LRRC9: variants seen among roughly 807,000 people sequenced by gnomAD.
LRRC9 encodes the protein leucine-rich repeat-containing protein 9.
Under a neutral mutation model 63.2 loss-of-function variants are expected in LRRC9, and 122 were observed. The observed-to-expected ratio is 1.93, with a 90% CI of 1.67 to 2.24. The LOEUF (loss-of-function observed/expected upper bound fraction) is 2.24, where lower values mean the gene tolerates loss of function less well. LRRC9 is among the 30% of genes most tolerant of loss of function. The probability of loss-of-function intolerance (pLI) is 0.00; values close to 1 mark genes in which losing one functional copy is unlikely to be tolerated. For synonymous variants in LRRC9, 366 were observed against 213.1 expected (o/e 1.72, Z -6.25); for missense variants, 1,071 against 627.7 (o/e 1.71, Z -7.55).
rs545872817 is a variant in LRRC9 at position 60,053,699 on chromosome 14, T to C, written c.4131+494T>C. ...CTATCTGTGTGTTTTGTTAGGATAA[T>C]TGGGCTTTTTACTCAGGAGCCCTAA... On this transcript the variant is annotated intron_variant, in intron 30 of 31. Coordinates refer to ENST00000445360, the Ensembl canonical transcript of LRRC9. The surrounding 1 kb of genome is among the most constrained non-coding windows in gnomAD (Gnocchi z 4.8). 2.6e-5 allele frequency among the ~76,000 whole-genome samples: 4 copies of C among 152,214 alleles called. No homozygotes were observed. In the East Asian group the frequency reaches 7.8e-4, roughly 30 times the overall value.
chr14:59,992,091 C>G (rs1485620793), intron 17 of LRRC9, among the ~76,000 whole-genome samples: 1 of 152,110 alleles, frequency 6.6e-6, no homozygotes, highest in Non-Finnish European at 1.5e-5. Flanking sequence ...CCTCACATGG[C>G]CGGGTACTCC....
At chr14:60,020,077 G>T (rs1019500708) in intron 26 of LRRC9, among the ~76,000 whole-genome samples, 3 of 151,684 alleles carry the variant, frequency 2.0e-5, no homozygotes, top group African/African-American at 7.3e-5. Flanking sequence ...AAAATACAAA[G>T]TATTCCCATT....
At chr14:59,928,730 TA>T (rs1555367618) in intron 3 of LRRC9, among the ~76,000 whole-genome samples, 1 of 151,940 alleles carries the variant, frequency 6.6e-6, no homozygotes, top group Non-Finnish European at 1.5e-5. Flanking sequence ...AACAGACACA[TA>T]GACCAATGGA....
At chr14:60,061,884 T>C in intron 31 of LRRC9, 127 bp from the exon 32 acceptor site, 1 of 394,332 alleles carries the variant, frequency 2.5e-6, no homozygotes, top group Non-Finnish European at 4.5e-6. Flanking sequence ...AAATTCACTT[T>C]ATGAAACATG....
At chr14:60,043,856 T>A (rs772893139) in intron 29 of LRRC9, among the ~76,000 whole-genome samples, 3 of 151,470 alleles carry the variant, frequency 2.0e-5, no homozygotes, top group South Asian at 2.1e-4. Context: ...CCTCTTCAAT[T>A]TTTTTAAAGG....
intron 17 of LRRC9, among the ~76,000 whole-genome samples, chr14:59,994,327 G>T (rs1404162334): frequency 6.6e-6 from 1 of 152,194 alleles, no homozygotes; most frequent in African/African-American, 2.4e-5. Flanking sequence ...TCTCACACCA[G>T]TTAGAATGGC....
At chr14:59,940,698 C>A (rs992148635) in intron 7 of LRRC9, among the ~76,000 whole-genome samples, 5 of 151,966 alleles carry the variant, frequency 3.3e-5, no homozygotes, top group Admixed American at 1.3e-4. Flanking sequence ...ACATAAAAGC[C>A]CATTTTAATT....
At position 60,051,731 on chromosome 14, in the gene LRRC9, A is replaced by G. The variant is rs1012013301; in HGVS notation, c.3991-1334A>G. ...TGCCAGAATCCCGGCGCTGGAGTAT[A>G]TAAAACTTCTGGGTCTCTGTGCCTG... On this transcript the variant is annotated intron_variant, in intron 29 of 31. Coordinates refer to ENST00000445360, the Ensembl canonical transcript of LRRC9. The surrounding 1 kb of genome is among the most constrained non-coding windows in gnomAD (Gnocchi z 4.7). Among the ~76,000 whole-genome samples, 6 of 152,208 alleles carry G rather than the reference A, an allele frequency of 3.9e-5. No homozygotes were observed. The highest frequency in any genetic ancestry group is 1.4e-4 in the African/African-American group (6 of 41,454).
rs1884865183 is a variant in LRRC9, at chr14:59,966,445, C to T, written c.1212-144C>T. On this transcript the variant is annotated intron_variant, in intron 10 of 31. Coordinates refer to ENST00000445360, the Ensembl canonical transcript of LRRC9. The surrounding 1 kb of genome is among the most constrained non-coding windows in gnomAD (Gnocchi z 4.0). ...AATGTGCAATAAATGAATAAATAAA[C>T]GGAGCCACTATATGATTACTGTATC... 2.4e-6 allele frequency: 1 copy of T among 420,288 alleles called. No individual in the cohort carries two copies. The highest frequency in any genetic ancestry group is 2.0e-5 in the African/African-American group (1 of 49,606). 26.0% of individuals were successfully genotyped at this position (420,288 alleles called of 1,614,324 possible). A position where few individuals can be genotyped will look rare whatever the true frequency, so the allele number is the denominator to read the frequency against.
chr14:59,984,061 A>G (rs990929832), intron 16 of LRRC9, among the ~76,000 whole-genome samples: 5 of 152,230 alleles, frequency 3.3e-5, no homozygotes, highest in Non-Finnish European at 7.3e-5. Context: ...AATCAAATGT[A>G]TAAAGAAAAG....
In LRRC9 at chr14:60,003,492, G is replaced by C. The variant is rs1025529919; in HGVS notation, c.2665-129G>C. On this transcript the variant is annotated intron_variant, in intron 20 of 31. Coordinates refer to ENST00000445360, the Ensembl canonical transcript of LRRC9. The surrounding 1 kb of genome is among the most constrained non-coding windows in gnomAD (Gnocchi z 4.2). ...AACTGACAGCTTCACAATATCTTTA[G>C]CTCCTGAAGGAATTCTTTTGATATC... is the stretch of plus-strand genomic sequence containing the variant. 4.8e-5 allele frequency: 26 copies of C among 542,440 alleles called. No homozygotes were observed. Among genetic ancestry groups the C allele is most frequent in the Non-Finnish European group, 6.7e-5 (21 of 311,394 alleles). 33.6% of individuals were successfully genotyped at this position (542,440 alleles called of 1,614,324 possible).
At position 59,930,991 on chromosome 14, in the gene LRRC9, A is replaced by T; in HGVS notation, c.341A>T (p.Glu114Val). 2.2e-6 allele frequency: 1 copy of T among 454,212 alleles called. No homozygotes were observed. Among genetic ancestry groups the T allele is most frequent in the African/African-American group, 2.0e-5 (1 of 49,720 alleles). 28.1% of individuals were successfully genotyped at this position (454,212 alleles called of 1,614,324 possible). The change falls in exon 4 of 32, where the codon GAA (glutamate) becomes GTA (valine). Residue 114 changes from glutamate to valine, a missense_variant. Transcript: ENST00000445360. The surrounding 1 kb of genome is among the most constrained non-coding windows in gnomAD (Gnocchi z 4.9). The stretch of plus-strand genomic sequence containing the variant: ...TATTTTAATAAAATTTCCAAAATAG[A>T]AAATTTAGAGAAATTAATCAAATTG...
chr14:59,983,967 A>C (rs560104644), intron 16 of LRRC9, among the ~76,000 whole-genome samples: 19 of 152,352 alleles, frequency 1.2e-4, no homozygotes, highest in African/African-American at 4.6e-4. Context: ...CTGCACCGTT[A>C]CATCACCACT....
At chr14:59,985,512 G>A (rs1337002704) in intron 17 of LRRC9, among the ~76,000 whole-genome samples, 1 of 152,100 alleles carries the variant, frequency 6.6e-6, no homozygotes, top group East Asian at 1.9e-4. Flanking sequence ...TAAAAACTGT[G>A]CTGACTCTGG....
intron 17 of LRRC9, among the ~76,000 whole-genome samples, chr14:59,996,977 A>C (rs1296299487): frequency 6.6e-6 from 1 of 152,202 alleles, no homozygotes; most frequent in Non-Finnish European, 1.5e-5. Flanking sequence ...GCAGTCATAA[A>C]AAATCATCTT....
rs1312612722 is a variant in LRRC9 at position 60,017,987 on chromosome 14, A to G, written c.3318-384A>G. Among the ~76,000 whole-genome samples, 1 of 152,050 alleles carries G rather than the reference A, an allele frequency of 6.6e-6. No individual in the cohort carries two copies. Among genetic ancestry groups the G allele is most frequent in the Non-Finnish European group, 1.5e-5 (1 of 67,970 alleles). ...GAAATGACCTACTTCAATATATATC[A>G]TCTGAAGTTTATAACCTGAAAAGCT... On this transcript the variant is annotated intron_variant, in intron 24 of 31. Coordinates refer to ENST00000445360, the Ensembl canonical transcript of LRRC9. This position sits in a 1 kb window ranked among gnomAD's most constrained non-coding sequence, Gnocchi z 4.0.
At position 60,028,638 on chromosome 14, in the gene LRRC9, T is replaced by C. The variant is rs191665270; in HGVS notation, c.3921+537T>C. On this transcript the variant is annotated intron_variant, in intron 28 of 31. Transcript: ENST00000445360. ...CCCCAACTGAACTGCTCAGACTCTC[T>C]CCTGAGATAGCATACAGATAAGAGT... Among the ~76,000 whole-genome samples the C allele has an allele frequency of 1.2e-4, 18 of 152,236 alleles. No homozygotes were observed. In the East Asian group the frequency reaches 3.5e-3, roughly 29 times the overall value.
chr14:60,011,211 A>G (rs219381), intron 23 of LRRC9, among the ~76,000 whole-genome samples: 114,075 of 152,104 alleles, frequency 0.75, 44,862 homozygotes, highest in Non-Finnish European at 0.87. Context: ...GAAGAGCAAA[A>G]GCAGGTCTTA....
At chr14:59,957,706 G>A (rs758083070) in intron 8 of LRRC9, among the ~76,000 whole-genome samples, 1 of 152,092 alleles carries the variant, frequency 6.6e-6, no homozygotes, top group Non-Finnish European at 1.5e-5. Flanking sequence ...GAGGAGAAGA[G>A]GCATTCTGGT....
Sources: gnomAD v4.1 joint callset for allele counts (sites outside exome capture counted in the v4.1 genomes callset) on GRCh38, gnomAD v4.1.1 for gene constraint, Gnocchi (gnomAD v3.1) non-coding constraint, MANE v1.5 for transcripts, NCBI Gene and HGNC (gene_info 2026-07-23, HGNC 2026-07-21) for gene names.